Variants in GRIK1 observed in about 807,000 individuals in gnomAD.
GRIK1 encodes the protein glutamate receptor ionotropic, kainate 1.
Under a neutral mutation model 105.7 loss-of-function variants are expected in GRIK1, and 69 were observed. That is an observed-to-expected ratio of 0.65 (90% CI 0.54 to 0.80). GRIK1 has a LOEUF of 0.80. GRIK1 is among the 30% of genes least tolerant of loss of function. The probability of loss-of-function intolerance (pLI) is 0.00; values close to 1 mark genes in which losing one functional copy is unlikely to be tolerated. For synonymous variants in GRIK1, 438 were observed against 431.3 expected, an observed-to-expected ratio of 1.02 and a Z score of -0.19; for missense variants, 1,109 against 1,167.3, an observed-to-expected ratio of 0.95 and a Z score of 0.73.
chr21:29,805,901 A>G (rs2066850654), intron 1 of GRIK1, among the ~76,000 whole-genome samples: 1 of 152,156 alleles, frequency 6.6e-6, no homozygotes. Context: ...AAATCTCTGC[A>G]TCATAAATCA....
At chr21:29,825,065 G>A (rs2067414090) in intron 1 of GRIK1, among the ~76,000 whole-genome samples, 1 of 151,978 alleles carries the variant, frequency 6.6e-6, no homozygotes, top group African/African-American at 2.4e-5. Flanking sequence ...TTTAATAAAT[G>A]ATTAAAGATT....
In GRIK1 at chr21:29,821,057, T is replaced by TAA. The variant is rs11369503; in HGVS notation, c.118+118324_118+118325dup. Among the ~76,000 whole-genome samples, 979 of 141,488 alleles carry TAA rather than the reference T, an allele frequency of 6.9e-3. 5 individuals carry two copies. The highest frequency in any genetic ancestry group is 8.3e-3 in the Non-Finnish European group (545 of 65,272). The allele number at this position is 141,488 out of a possible 152,430, so 92.8% of individuals were successfully genotyped here. On this transcript the variant is annotated intron_variant, in intron 1 of 17. Coordinates refer to ENST00000327783, the MANE Select transcript of GRIK1 (RefSeq NM_001330994.2). The stretch of plus-strand genomic sequence containing the variant: ...GAGCACCAACCCTCCCAACACACAG[T>TAA]AAAAAAAAAAAAAAATCCATGTATA...
At chr21:29,894,619 A>C (rs1198132639) in intron 1 of GRIK1, among the ~76,000 whole-genome samples, 1 of 152,164 alleles carries the variant, frequency 6.6e-6, no homozygotes, top group South Asian at 2.1e-4. Flanking sequence ...CATGCCCAGA[A>C]ACAATACTTT....
intron 5 of GRIK1, among the ~76,000 whole-genome samples, chr21:29,652,772 A>G (rs2062765453): frequency 6.6e-6 from 1 of 152,248 alleles, no homozygotes; most frequent in African/African-American, 2.4e-5. Flanking sequence ...TAACAATGCA[A>G]CCGCTTTCTG....
intron 1 of GRIK1, among the ~76,000 whole-genome samples, chr21:29,848,779 A>ATATATATATATATTTTTTTT: frequency 1.3e-5 from 1 of 77,884 alleles, no homozygotes; most frequent in African/African-American, 5.8e-5. Flanking sequence ...ATATATATAT[A>ATATATATATATATTTTTTTT]TTTTTTTTTT....
chr21:29,848,755 G>GTGTATA lies in GRIK1; in HGVS notation c.118+90627_118+90628insTATACA, dbSNP rs773386863. On this transcript the variant is annotated intron_variant, in intron 1 of 17. Coordinates refer to ENST00000327783, the MANE Select transcript of GRIK1 (RefSeq NM_001330994.2). ...TCCTTAAATAGACCAAGTTGTGTGT[G>GTGTATA]TATATATATATATATATATATATAT... Among the ~76,000 whole-genome samples, 509 of 91,178 alleles carry GTGTATA rather than the reference G, an allele frequency of 5.6e-3. 7 individuals carry two copies. The highest frequency in any genetic ancestry group is 0.019 in the Middle Eastern group (2 of 106). 59.8% of individuals were successfully genotyped at this position (91,178 alleles called of 152,430 possible).
intron 1 of GRIK1, among the ~76,000 whole-genome samples, chr21:29,766,642 C>A (rs1441691980): frequency 6.6e-6 from 1 of 152,166 alleles, no homozygotes; most frequent in Non-Finnish European, 1.5e-5. Flanking sequence ...TAAATAGCTA[C>A]CTGTTTCTAA....
chr21:29,562,523 C>T (rs1368119638), intron 14 of GRIK1, among the ~76,000 whole-genome samples: 1 of 152,056 alleles, frequency 6.6e-6, no homozygotes, highest in African/African-American at 2.4e-5. Flanking sequence ...GGTGTCGTGG[C>T]ATGTGCCTGT....
chr21:29,568,681 C>A (rs1317199867), intron 14 of GRIK1, among the ~76,000 whole-genome samples: 2 of 152,220 alleles, frequency 1.3e-5, no homozygotes, highest in African/African-American at 2.4e-5. Context: ...TACATGAATA[C>A]TTCATAGCTA....
Position 29,897,331 on chromosome 21 carries a change from T to A in GRIK1, c.118+42052A>T, listed in dbSNP as rs534343159. On this transcript the variant is annotated intron_variant, in intron 1 of 17. Coordinates refer to ENST00000327783, the MANE Select transcript of GRIK1 (RefSeq NM_001330994.2). ...CAGTAAAGCATGCCTGCAAATGAAA[T>A]TGACATGGAATGATCCTGACGTTGA... Among the ~76,000 whole-genome samples, 57 of 152,246 alleles carry A rather than the reference T, an allele frequency of 3.7e-4. 1 individual carries two copies. In the Middle Eastern group the frequency reaches 0.034, roughly 91 times the overall value.
At chr21:29,835,538 A>G (rs554457847) in intron 1 of GRIK1, among the ~76,000 whole-genome samples, 63 of 152,188 alleles carry the variant, frequency 4.1e-4, no homozygotes, top group Non-Finnish European at 8.4e-4. Flanking sequence ...AGAGCCTCTG[A>G]ATCCCACAAT....
chr21:29,745,152 TAAAAC>T (rs759062075), intron 1 of GRIK1, among the ~76,000 whole-genome samples: 3 of 152,168 alleles, frequency 2.0e-5, no homozygotes, highest in Non-Finnish European at 4.4e-5. Context: ...TACCCTTTGA[TAAAAC>T]AAGAGAGTAT....
intron 4 of GRIK1, among the ~76,000 whole-genome samples, chr21:29,670,189 G>A (rs1304632689): frequency 6.6e-6 from 1 of 152,134 alleles, no homozygotes; most frequent in Non-Finnish European, 1.5e-5. Context: ...ACGAAAACTG[G>A]ATAAGCCATC....
intron 7 of GRIK1, among the ~76,000 whole-genome samples, chr21:29,618,312 C>T (rs1280055309): frequency 6.6e-6 from 1 of 152,122 alleles, no homozygotes; most frequent in Non-Finnish European, 1.5e-5. Context: ...CAATGCGATA[C>T]CACCTTACTC....
intron 1 of GRIK1, among the ~76,000 whole-genome samples, chr21:29,930,855 C>T: frequency 6.6e-6 from 1 of 152,160 alleles, no homozygotes; most frequent in East Asian, 1.9e-4. Context: ...GAAAACCCTC[C>T]ATGTAGCATG....
chr21:29,890,352 T>G (rs2069848102), intron 1 of GRIK1, among the ~76,000 whole-genome samples: 1 of 152,146 alleles, frequency 6.6e-6, no homozygotes, highest in Admixed American at 6.5e-5. Context: ...TCTTAAAGGA[T>G]TTTTGGCAGA....
chr21:29,901,956 G>A (rs575774213), intron 1 of GRIK1, among the ~76,000 whole-genome samples: 22 of 152,206 alleles, frequency 1.4e-4, no homozygotes, highest in African/African-American at 4.8e-4. Flanking sequence ...ACCACAATAA[G>A]TCAGCTTCAT....
intron 13 of GRIK1, among the ~76,000 whole-genome samples, chr21:29,578,952 T>G (rs2090956368): frequency 6.6e-6 from 1 of 152,188 alleles, no homozygotes; most frequent in Non-Finnish European, 1.5e-5. Context: ...GGGTGCAGAT[T>G]TTCTGCTGTA....
chr21:29,667,220 T>C (rs1341498287), intron 4 of GRIK1, among the ~76,000 whole-genome samples: 1 of 152,220 alleles, frequency 6.6e-6, no homozygotes. Flanking sequence ...AGCTGATGGT[T>C]GCTTCTGTCT....
Sources: gnomAD v4.1 joint callset for allele counts (sites outside exome capture counted in the v4.1 genomes callset) on GRCh38, gnomAD v4.1.1 for gene constraint, MANE v1.5 for transcripts, NCBI Gene and HGNC (gene_info 2026-07-23, HGNC 2026-07-21) for gene names.